CDH13: variants seen among roughly 807,000 people sequenced by gnomAD.
The protein encoded by CDH13 is cadherin 13.
In CDH13, 24 loss-of-function variants were observed where a neutral mutation model predicts 63.8. The observed-to-expected ratio is 0.38, with a 90% CI of 0.27 to 0.53. CDH13 has a LOEUF of 0.53. Among genes scored for constraint, CDH13 ranks in the 20% least tolerant of loss-of-function variants. CDH13 has a pLI of 0.85. For missense variants in CDH13, 1,049 were observed against 903.1 expected (o/e 1.16, Z -2.07); for synonymous variants, 503 against 355.3 (o/e 1.42, Z -4.67).
At chr16:83,312,027 T>C (rs1044734783) in intron 5 of CDH13, among the ~76,000 whole-genome samples, 1 of 142,134 alleles carries the variant, frequency 7.0e-6, no homozygotes, top group Non-Finnish European at 1.5e-5. Flanking sequence ...GAGCTGAGAT[T>C]GTGCATTGCA....
At chr16:82,760,400 T>G (rs528621670) in intron 1 of CDH13, among the ~76,000 whole-genome samples, 13 of 152,332 alleles carry the variant, frequency 8.5e-5, no homozygotes, top group Non-Finnish European at 1.9e-4. Flanking sequence ...TTGCATCTAG[T>G]GTAAAATTCA....
At chr16:82,874,189 G>C (rs781041203) in intron 2 of CDH13, among the ~76,000 whole-genome samples, 7 of 152,136 alleles carry the variant, frequency 4.6e-5, no homozygotes, top group Non-Finnish European at 7.4e-5. Context: ...ATAACATCAT[G>C]TCAGTTCAGG....
chr16:83,574,941 A>G (rs1904970421), intron 7 of CDH13, among the ~76,000 whole-genome samples: 1 of 152,236 alleles, frequency 6.6e-6, no homozygotes, highest in South Asian at 2.1e-4. Context: ...GAAACCATGA[A>G]CATGAATATT....
At chr16:83,581,392 C>T (rs541386803) in intron 7 of CDH13, among the ~76,000 whole-genome samples, 177 of 152,360 alleles carry the variant, frequency 1.2e-3, no homozygotes, top group African/African-American at 4.0e-3. Flanking sequence ...ATTCTTCCCA[C>T]ATGCTCCTGC....
chr16:83,024,277 T>C (rs1915603837), intron 2 of CDH13, among the ~76,000 whole-genome samples: 1 of 152,242 alleles, frequency 6.6e-6, no homozygotes, highest in African/African-American at 2.4e-5. Flanking sequence ...TTTAGATTTA[T>C]TTTAATATTT....
intron 6 of CDH13, among the ~76,000 whole-genome samples, chr16:83,418,487 T>G (rs2071618148): frequency 6.6e-6 from 1 of 152,110 alleles, no homozygotes; most frequent in Non-Finnish European, 1.5e-5. Flanking sequence ...TTCTCATAGG[T>G]CAGTAGGTTG....
chr16:83,056,113 C>G (rs79587421), intron 3 of CDH13, among the ~76,000 whole-genome samples: 1 of 152,114 alleles, frequency 6.6e-6, no homozygotes, highest in Non-Finnish European at 1.5e-5. Context: ...TTTTTAGCAT[C>G]ACTAGTCATC....
At chr16:83,383,671 TA>T (rs1399471408) in intron 6 of CDH13, among the ~76,000 whole-genome samples, 2 of 152,388 alleles carry the variant, frequency 1.3e-5, no homozygotes, top group East Asian at 3.8e-4. Context: ...ATGCTGTGCT[TA>T]AATTGTGTCA....
Position 83,752,647 on chromosome 16 carries a change from A to G in CDH13, c.1681+4397A>G, listed in dbSNP as rs536905749. On this transcript the variant is annotated intron_variant, in intron 11 of 13. Transcript: ENST00000567109. ...CTTTGAGACTCATTGAGTCTCATCT[A>G]TGTTTTCTCAACATTCAGCATACAC... Among the ~76,000 whole-genome samples the G allele has an allele frequency of 1.2e-4, 19 of 152,278 alleles. No homozygotes were observed. In the South Asian group the frequency reaches 2.7e-3, roughly 22 times the overall value.
intron 2 of CDH13, among the ~76,000 whole-genome samples, chr16:82,860,289 G>A (rs1010685841): frequency 8.8e-5 from 13 of 147,704 alleles, no homozygotes; most frequent in South Asian, 2.1e-4. Context: ...TTTTTAATTC[G>A]CTGCTGAGAA....
intron 2 of CDH13, among the ~76,000 whole-genome samples, chr16:82,935,422 A>T (rs1031055523): frequency 6.6e-6 from 1 of 152,212 alleles, no homozygotes; most frequent in Non-Finnish European, 1.5e-5. Flanking sequence ...ACCGTATGAC[A>T]TGGTGAAATA....
intron 2 of CDH13, among the ~76,000 whole-genome samples, chr16:83,028,198 C>G (rs115711794): frequency 1.3e-5 from 2 of 152,132 alleles, no homozygotes; most frequent in Admixed American, 1.3e-4. Context: ...TAATTTGCCT[C>G]CAGTGGATGA....
chr16:83,517,909 A>G (rs1255728808), intron 7 of CDH13, among the ~76,000 whole-genome samples: 1 of 152,066 alleles, frequency 6.6e-6, no homozygotes, highest in Non-Finnish European at 1.5e-5. Flanking sequence ...TCTGAGGTCG[A>G]TATTATTATC....
chr16:82,845,153 A>G (rs2039205610), intron 1 of CDH13, among the ~76,000 whole-genome samples: 2 of 152,130 alleles, frequency 1.3e-5, no homozygotes, highest in Admixed American at 1.3e-4. Context: ...CAATATATTA[A>G]GGAATCCTTG....
At chr16:83,668,563 C>G (rs147709452) in intron 8 of CDH13, among the ~76,000 whole-genome samples, 147 of 152,312 alleles carry the variant, frequency 9.7e-4, no homozygotes, top group African/African-American at 3.3e-3. Flanking sequence ...GGGTTATGAG[C>G]TGACATCCAC....
At chr16:82,678,312 G>T (rs1358506569) in intron 1 of CDH13, among the ~76,000 whole-genome samples, 1 of 110,096 alleles carries the variant, frequency 9.1e-6, no homozygotes, top group Non-Finnish European at 1.9e-5. Context: ...ATGGCATACA[G>T]AAAAAACTTT....
chr16:82,692,238 C>G (rs987061199), intron 1 of CDH13, among the ~76,000 whole-genome samples: 1 of 152,192 alleles, frequency 6.6e-6, no homozygotes, highest in South Asian at 2.1e-4. Flanking sequence ...TTATTAGGCT[C>G]AAATGTTCAC....
chr16:82,886,578 G>A (rs1034193583), intron 2 of CDH13, among the ~76,000 whole-genome samples: 9 of 139,284 alleles, frequency 6.5e-5, no homozygotes, highest in African/African-American at 2.5e-4. Flanking sequence ...TTTTTTACAT[G>A]TGGAGCTTGT....
chr16:83,767,767 A>G (rs925738578), intron 11 of CDH13, among the ~76,000 whole-genome samples: 8 of 152,148 alleles, frequency 5.3e-5, no homozygotes, highest in Admixed American at 3.3e-4. Context: ...CTACTATATG[A>G]CTCCATTTAT....
Sources: gnomAD v4.1 joint callset for allele counts (sites outside exome capture counted in the v4.1 genomes callset) on GRCh38, gnomAD v4.1.1 for gene constraint, MANE v1.5 for transcripts, NCBI Gene and HGNC (gene_info 2026-07-23, HGNC 2026-07-21) for gene names.